The following KHDRBS2 variants were observed in gnomAD, a reference collection of about 807,000 sequenced individuals.
KHDRBS2 encodes KH domain-containing, RNA-binding, signal transduction-associated protein 2.
A neutral mutation model predicts 44.3 loss-of-function variants in KHDRBS2; 26 were observed. That is an observed-to-expected ratio of 0.59 (90% confidence interval 0.43 to 0.81). The LOEUF (loss-of-function observed/expected upper bound fraction) is 0.81. Among genes scored for constraint, KHDRBS2 ranks in the 40% least tolerant of loss-of-function variants. The pLI, the probability that KHDRBS2 is intolerant of heterozygous loss-of-function variation, is 0.00. For synonymous variants in KHDRBS2, 194 were observed against 151.1 expected, an observed-to-expected ratio of 1.28 and a Z score of -2.08; for missense variants, 476 against 433.1, an observed-to-expected ratio of 1.10 and a Z score of -0.88.
intron 2 of KHDRBS2, among the ~76,000 whole-genome samples, chr6:62,066,495 A>G (rs1041155658): frequency 1.3e-5 from 2 of 151,684 alleles, no homozygotes; most frequent in Non-Finnish European, 3.0e-5. Context: ...ATTTTTCATT[A>G]TTGCATGAGA....
chr6:61,929,710 C>A lies in KHDRBS2; in HGVS notation c.484-28339G>T, dbSNP rs554030783. Among the ~76,000 whole-genome samples, 7 of 152,240 alleles carry A rather than the reference C, an allele frequency of 4.6e-5. No homozygotes were observed. The East Asian group carries it at 1.2e-3, about 25-fold the overall frequency. Reference sequence around the variant, plus strand: ...ATATAACAAAAAACACACTGCAAATCTGGATTCCATTATAAGCAGAAAACT... The same window carrying A: ...ATATAACAAAAAACACACTGCAAATATGGATTCCATTATAAGCAGAAAACT... On this transcript the variant is annotated intron_variant, in intron 4 of 8. Transcript: ENST00000281156.
intron 5 of KHDRBS2, among the ~76,000 whole-genome samples, chr6:61,895,857 T>C (rs1456043635): frequency 6.6e-6 from 1 of 152,208 alleles, no homozygotes; most frequent in Admixed American, 6.5e-5. Context: ...TGCTGTCTGC[T>C]ATGAATAGCA....
At chr6:61,831,137 G>A (rs199554986) in intron 6 of KHDRBS2, among the ~76,000 whole-genome samples, 2 of 152,086 alleles carry the variant, frequency 1.3e-5, no homozygotes, top group African/African-American at 4.8e-5. Flanking sequence ...GTAAATCTTT[G>A]TGATTAGCAT....
intron 1 of KHDRBS2, among the ~76,000 whole-genome samples, chr6:62,223,236 C>T (rs1423836726): frequency 2.0e-5 from 3 of 152,262 alleles, no homozygotes; most frequent in South Asian, 2.1e-4. Context: ...AGGCTCAACA[C>T]CGCGTGGAGG....
chr6:62,125,946 C>T (rs919307118), intron 2 of KHDRBS2, among the ~76,000 whole-genome samples: 11 of 152,266 alleles, frequency 7.2e-5, no homozygotes, highest in East Asian at 1.9e-4. Flanking sequence ...GAGGGATTCC[C>T]GCTTGAGTAA....
Position 61,945,119 on chromosome 6 carries a change from A to G in KHDRBS2, c.483+32947T>C, listed in dbSNP as rs1275065554. ...AAAAAAAAAAAAAAAAAAAGTATATATATATATATATATATATATATATAT... is the reference window on the plus strand; with the variant it reads ...AAAAAAAAAAAAAAAAAAAGTATATGTATATATATATATATATATATATAT... On this transcript the variant is annotated intron_variant, in intron 4 of 8. Transcript: ENST00000281156. 1.4e-3 allele frequency among the ~76,000 whole-genome samples: 89 copies of G among 65,374 alleles called. 9 individuals carry two copies. Among genetic ancestry groups the G allele is most frequent in the Middle Eastern group, 6.8e-3 (1 of 146 alleles). The allele number at this position is 65,374 out of a possible 152,430, so 42.9% of individuals were successfully genotyped here. A position where few individuals can be genotyped will look rare whatever the true frequency, so the allele number is the denominator to read the frequency against.
rs142130186 is a variant in KHDRBS2 at position 61,890,189 on chromosome 6, C to T, written c.810+4446G>A. 3.0e-3 allele frequency among the ~76,000 whole-genome samples: 456 copies of T among 152,148 alleles called. 3 individuals are homozygous for T. The highest frequency in any genetic ancestry group is 0.01 in the African/African-American group (423 of 41,510). On this transcript the variant is annotated intron_variant, in intron 6 of 8. Coordinates refer to ENST00000281156, the MANE Select transcript of KHDRBS2 (RefSeq NM_152688.4). ...TGTCTCCAGGACCTTCAGAACACAC[C>T]TAAAATAAGATGGAGGCTCAGTGAG...
the KHDRBS2 span, among the ~76,000 whole-genome samples, chr6:61,563,842 G>A: frequency 6.6e-6 from 1 of 152,116 alleles, no homozygotes; most frequent in Admixed American, 6.6e-5. Flanking sequence ...GCTCACTGCA[G>A]TGTGTGAAAA....
intron 3 of KHDRBS2, among the ~76,000 whole-genome samples, chr6:61,986,826 A>G (rs767831222): frequency 1.4e-4 from 22 of 152,092 alleles, no homozygotes; most frequent in Non-Finnish European, 2.8e-4. Context: ...TAATCCCACC[A>G]TGGGGGACTC....
rs149952608 is a variant in KHDRBS2 at position 62,285,885 on chromosome 6, C to T, written c.64G>A (p.Val22Met). ...TCTGCCAAAAGGCGCGACGCATGCA[C>T]AAAAGATGGATCCAGGCTATCTTTC... ...AEKDSLDPSF[V>M]HASRLLAEEI... is the part of the protein sequence containing the mutation. Residue 22 changes from valine to methionine, a missense_variant, in exon 1 of 9, where the codon GTG (valine) becomes ATG (methionine). Coordinates refer to ENST00000281156, the MANE Select transcript of KHDRBS2 (RefSeq NM_152688.4). The T allele has an allele frequency of 6.2e-7, 1 of 1,613,446 alleles. No individual in the cohort carries two copies. The highest frequency in any genetic ancestry group is 8.5e-7 in the Non-Finnish European group (1 of 1,179,724).
chr6:62,010,297 A>G (rs773497377), intron 3 of KHDRBS2, among the ~76,000 whole-genome samples: 3 of 152,074 alleles, frequency 2.0e-5, no homozygotes, highest in Non-Finnish European at 2.9e-5. Context: ...AATTTCTCCC[A>G]TTTGGAATGC....
intron 4 of KHDRBS2, among the ~76,000 whole-genome samples, chr6:61,944,293 G>A (rs1812757917): frequency 6.6e-6 from 1 of 152,066 alleles, no homozygotes; most frequent in East Asian, 1.9e-4. Context: ...TAAAGAAAAT[G>A]TACACACACA....
the KHDRBS2 span, among the ~76,000 whole-genome samples, chr6:61,611,750 A>G: frequency 6.6e-6 from 1 of 152,092 alleles, no homozygotes; most frequent in Non-Finnish European, 1.5e-5. Context: ...TTTTATTTTG[A>G]ACTTTCGTTA....
chr6:61,967,154 G>T (rs551021177), intron 4 of KHDRBS2, among the ~76,000 whole-genome samples: 11 of 149,022 alleles, frequency 7.4e-5, no homozygotes, highest in African/African-American at 1.5e-4. Context: ...ACAATTGTGT[G>T]CCATGTTTAA....
chr6:61,752,217 C>T (rs1777804683), intron 6 of KHDRBS2, among the ~76,000 whole-genome samples: 1 of 152,022 alleles, frequency 6.6e-6, no homozygotes, highest in African/African-American at 2.4e-5. Context: ...GGGGTTTGGG[C>T]CAAGTCTAGT....
intron 4 of KHDRBS2, among the ~76,000 whole-genome samples, chr6:61,943,637 C>A (rs11754477): frequency 4.2e-5 from 3 of 70,758 alleles, no homozygotes; most frequent in Admixed American, 2.8e-4. Flanking sequence ...ATAACTGAAA[C>A]AAAAATAGTC....
chr6:62,225,277 T>C (rs978882431), intron 1 of KHDRBS2, among the ~76,000 whole-genome samples: 1 of 152,214 alleles, frequency 6.6e-6, no homozygotes, highest in Admixed American at 6.5e-5. Context: ...TGCATCACTT[T>C]CTGTCAGGTT....
intron 6 of KHDRBS2, among the ~76,000 whole-genome samples, chr6:61,800,805 T>C (rs540990994): frequency 2.2e-4 from 33 of 152,240 alleles, no homozygotes; most frequent in Admixed American, 1.2e-3. Flanking sequence ...TCCTCTCTTT[T>C]TAGGATTGGG....
chr6:62,039,511 C>T (rs773848917), intron 3 of KHDRBS2, among the ~76,000 whole-genome samples: 17 of 151,942 alleles, frequency 1.1e-4, no homozygotes, highest in Non-Finnish European at 2.1e-4. Flanking sequence ...TGGATTCTCT[C>T]ATTTTTCTCT....
Sources: gnomAD v4.1 joint callset for allele counts (sites outside exome capture counted in the v4.1 genomes callset) on GRCh38, gnomAD v4.1.1 for gene constraint, MANE v1.5 for transcripts, NCBI Gene and HGNC (gene_info 2026-07-23, HGNC 2026-07-21) for gene names.